The following ARHGAP27 variants were observed in gnomAD, a reference collection of about 807,000 sequenced individuals.
The protein encoded by ARHGAP27 is rho GTPase-activating protein 27.
ARHGAP27 carries 53 observed loss-of-function variants against 102.0 expected under a neutral mutation model. The ratio of observed to expected loss-of-function variants is 0.52; its 90% CI spans 0.42 to 0.65. The LOEUF is 0.65. ARHGAP27 is among the 30% of genes least tolerant of loss of function. ARHGAP27 has a pLI of 0.00. For synonymous variants in ARHGAP27, 525 were observed against 542.8 expected (o/e 0.97, Z 0.46); for missense variants, 1,117 against 1,256.2 (o/e 0.89, Z 1.68).
chr17:45,410,460 G>C, intron 4 of ARHGAP27: 1 of 938,544 alleles, frequency 1.1e-6, no homozygotes, highest in Admixed American at 4.1e-5. Context: ...TGCTGCCTGA[G>C]TTGGGGCGGG....
At chr17:45,402,900 G>A (rs979651434) in intron 11 of ARHGAP27, 82 bp from the exon 12 acceptor site, 2 of 1,243,058 alleles carry the variant, frequency 1.6e-6, no homozygotes, top group African/African-American at 1.5e-5. Context: ...GAATAGGATG[G>A]GGTCACTGGC....
intron 4 of ARHGAP27, among the ~76,000 whole-genome samples, chr17:45,425,342 C>A (rs573423378): frequency 6.6e-6 from 1 of 152,224 alleles, no homozygotes; most frequent in South Asian, 2.1e-4. Context: ...GTCCCCCTAG[C>A]TGGCCCCGAA....
chr17:45,428,439 G>GT (rs1348695830), intron 4 of ARHGAP27, among the ~76,000 whole-genome samples: 1 of 152,256 alleles, frequency 6.6e-6, no homozygotes, highest in East Asian at 1.9e-4. Flanking sequence ...GTCCTCGCGT[G>GT]TAAGTTAAGT....
intron 12 of ARHGAP27, among the ~76,000 whole-genome samples, chr17:45,400,808 G>A (rs2046347852): frequency 6.6e-6 from 1 of 152,210 alleles, no homozygotes; most frequent in South Asian, 2.1e-4. Flanking sequence ...CCAGCTACTC[G>A]GGACGCTGAG....
chr17:45,413,951 CA>C (rs1375790149), intron 4 of ARHGAP27, among the ~76,000 whole-genome samples: 1 of 152,074 alleles, frequency 6.6e-6, no homozygotes, highest in African/African-American at 2.4e-5. Flanking sequence ...ACTAAAAATA[CA>C]AAAATTAGCT....
intron 12 of ARHGAP27, among the ~76,000 whole-genome samples, chr17:45,400,441 G>A (rs2046302907): frequency 6.6e-6 from 1 of 152,144 alleles, no homozygotes; most frequent in South Asian, 2.1e-4. Flanking sequence ...TTCCATTCAG[G>A]CCTGCCCACC....
chr17:45,413,011 A>C (rs1393212358), intron 4 of ARHGAP27, among the ~76,000 whole-genome samples: 13 of 100,062 alleles, frequency 1.3e-4, no homozygotes, highest in African/African-American at 2.5e-4. Flanking sequence ...ATGGAGTCTC[A>C]CTCTGTCACC....
chr17:45,410,543 T>C, intron 4 of ARHGAP27: 1 of 805,428 alleles, frequency 1.2e-6, no homozygotes, highest in Non-Finnish European at 1.7e-6. Flanking sequence ...CACTCAGTGC[T>C]CTAATGACCA....
Position 45,429,707 on chromosome 17 carries a change from C to T in ARHGAP27, c.573G>A (p.Arg191=), listed in dbSNP as rs748184825. ...TCTCTGAGTCGCTGCGCGCCAGAGG[C>T]CGCGGGCACACCCAGGAGCCCGCCA... The part of the protein sequence containing the change: ...CSVAGSWVCP[R]PLARSDSENV... The change falls in exon 4 of 20, where the codon CGG becomes CGA. Residue 191 remains arginine (R), a synonymous_variant. Transcript: ENST00000685559. The T allele has an allele frequency of 2.6e-6, 4 of 1,554,268 alleles. No homozygotes were observed. In the Admixed American group the frequency reaches 7.7e-5, roughly 30 times the overall value.
chr17:45,402,777 C>T lies in ARHGAP27; in HGVS notation c.1680G>A (p.Glu560=). The change falls in exon 12 of 20, where the codon GAG becomes GAA. Residue 560 remains glutamate, a synonymous_variant. Coordinates refer to ENST00000685559, the MANE Select transcript of ARHGAP27 (RefSeq NM_001282290.2). ...CCCAGGAGAGAGTGGCCCCCCTCAG[C>T]TCCACTGTGTACTCAGGGGTGGAAA... The part of the protein sequence containing the change: ...SKFSTPEYTV[E]LRGATLSWAP... 1 of 1,613,340 alleles carries T rather than the reference C, an allele frequency of 6.2e-7. No individual in the cohort carries two copies. The highest frequency in any genetic ancestry group is 1.1e-5 in the South Asian group (1 of 91,008).
rs1158151285 is a variant in ARHGAP27, at chr17:45,419,508, GTATGTATA to G, written c.657+10107_657+10114del. ...TGTATATATATAAAAGACTTATGCT[GTATGTATA>G]TATATATATATATATATATATATAT... On this transcript the variant is annotated intron_variant, in intron 4 of 19. Transcript: ENST00000685559. 9.7e-4 allele frequency among the ~76,000 whole-genome samples: 84 copies of G among 86,394 alleles called. 1 individual carries two copies. The highest frequency in any genetic ancestry group is 3.2e-3 in the African/African-American group (68 of 21,250). The allele number at this position is 86,394 out of a possible 152,430, so 56.7% of individuals were successfully genotyped here.
chr17:45,411,430 C>T (rs1472255020), intron 4 of ARHGAP27, among the ~76,000 whole-genome samples: 3 of 152,072 alleles, frequency 2.0e-5, no homozygotes, highest in Admixed American at 6.5e-5. Context: ...CTCCTCTGGC[C>T]CCCACCCTGG....
chr17:45,409,976 C>T, intron 4 of ARHGAP27: 1 of 488,082 alleles, frequency 2.0e-6, no homozygotes, highest in Middle Eastern at 5.2e-4. Context: ...GCTGCCCAGC[C>T]CCCTGGTACT....
At chr17:45,421,225 T>A (rs1177951001) in intron 4 of ARHGAP27, among the ~76,000 whole-genome samples, 1 of 147,942 alleles carries the variant, frequency 6.8e-6, no homozygotes, top group Admixed American at 6.9e-5. Flanking sequence ...ATGCCTGTAA[T>A]CCCAGAACTT....
rs2045563263 is a variant in ARHGAP27, at chr17:45,395,824, G to T, written c.2412C>A (p.Ser804Arg). Residue 804 changes from serine (S) to arginine (R), a missense_variant, in exon 19 of 20, where the codon AGC (serine) becomes AGA (arginine). By Grantham distance (110) the Ser-to-Arg change is moderately radical (BLOSUM62 -1). Transcript: ENST00000685559. ...AGCGCACCAAGTCACGCACACAGCG[G>T]CTGCGCCGGGCCTGGTCCTGCAACT... ...AIKLQDQARR[S>R]RCVRDLVRSL... The T allele has an allele frequency of 6.2e-7, 1 of 1,602,940 alleles. No homozygotes were observed. Among genetic ancestry groups the T allele is most frequent in the Non-Finnish European group, 8.5e-7 (1 of 1,175,662 alleles).
intron 4 of ARHGAP27, chr17:45,409,682 C>T (rs2047662037): frequency 6.4e-6 from 1 of 155,638 alleles, no homozygotes; most frequent in African/African-American, 2.4e-5. Flanking sequence ...TAGAGATGCT[C>T]TCCTCTCCTG....
At chr17:45,423,766 G>T (rs2049270405) in intron 4 of ARHGAP27, among the ~76,000 whole-genome samples, 1 of 152,170 alleles carries the variant, frequency 6.6e-6, no homozygotes, top group Non-Finnish European at 1.5e-5. Flanking sequence ...GGTGAATATG[G>T]TAAATGAAAA....
At chr17:45,425,230 T>TG (rs1163376642) in intron 4 of ARHGAP27, among the ~76,000 whole-genome samples, 11 of 142,294 alleles carry the variant, frequency 7.7e-5, no homozygotes, top group African/African-American at 2.7e-4. Context: ...ACCTGGGGGT[T>TG]GGGGGTGGGG....
Position 45,397,035 on chromosome 17 carries a change from A to G in ARHGAP27, c.1843-11T>C, listed in dbSNP as rs1028252350. On this transcript the variant is annotated splice_polypyrimidine_tract_variant and intron_variant, in intron 13 of 19. Coordinates refer to ENST00000685559, the MANE Select transcript of ARHGAP27 (RefSeq NM_001282290.2). ...GGGCAGCTCTGCGGACTGGATTCCC[A>G]TAGCCTCAGAGAGGCGGGGCCTTGA... 1.9e-6 allele frequency: 3 copies of G among 1,601,858 alleles called. No homozygotes were observed. The highest frequency in any genetic ancestry group is 2.5e-6 in the Non-Finnish European group (3 of 1,179,846).
Sources: gnomAD v4.1 joint callset for allele counts (sites outside exome capture counted in the v4.1 genomes callset) on GRCh38, gnomAD v4.1.1 for gene constraint, MANE v1.5 for transcripts, NCBI Gene and HGNC (gene_info 2026-07-23, HGNC 2026-07-21) for gene names.